DAW1: variants seen among roughly 807,000 people sequenced by gnomAD.
DAW1 encodes the protein dynein assembly factor with WD repeat domains 1.
A neutral mutation model predicts 56.5 loss-of-function variants in DAW1; 47 were observed. That is an observed-to-expected ratio of 0.83 (90% CI 0.66 to 1.06). The LOEUF is 1.06. Ranked by LOEUF, DAW1 falls within the 50% of genes least tolerant of loss-of-function variation. The probability of loss-of-function intolerance (pLI) is 0.00; values close to 1 mark genes in which losing one functional copy is unlikely to be tolerated. For missense variants in DAW1, 505 were observed against 499.3 expected, an observed-to-expected ratio of 1.01 and a Z score of -0.11; for synonymous variants, 190 against 179.0, an observed-to-expected ratio of 1.06 and a Z score of -0.49.
At chr2:227,894,097 C>T (rs761717374) in intron 5 of DAW1, among the ~76,000 whole-genome samples, 180 bp downstream of exon 5, 1 of 151,976 alleles carries the variant, frequency 6.6e-6, no homozygotes, top group African/African-American at 2.4e-5. Context: ...TATCACTATC[C>T]GCATATAGAA....
At chr2:227,896,916 C>G (rs1414769367) in intron 5 of DAW1, among the ~76,000 whole-genome samples, 1 of 151,542 alleles carries the variant, frequency 6.6e-6, no homozygotes, top group East Asian at 2.0e-4. Flanking sequence ...GACCTCATCT[C>G]TACAAAAAAT....
At chr2:227,891,142 C>T (rs932963949) in intron 3 of DAW1, 113 bp from the exon 4 acceptor site, 3 of 871,964 alleles carry the variant, frequency 3.4e-6, no homozygotes, top group Admixed American at 2.2e-5. Flanking sequence ...TCAGATATTG[C>T]CTGTTTCTGA....
At chr2:227,902,191 T>G (rs1467351697) in intron 6 of DAW1, among the ~76,000 whole-genome samples, 1 of 152,184 alleles carries the variant, frequency 6.6e-6, no homozygotes, top group Non-Finnish European at 1.5e-5. Context: ...AGTAACTTTC[T>G]GTGCTGTTCT....
At chr2:227,871,788 G>A in intron 1 of DAW1, 59 bp downstream of exon 1, 4 of 1,606,818 alleles carry the variant, frequency 2.5e-6, no homozygotes, top group South Asian at 2.2e-5. Context: ...CAGACTGGGA[G>A]GGTTTGGGGC....
chr2:227,918,974 T>A, intron 11 of DAW1, 118 bp downstream of exon 11: 1 of 1,052,878 alleles, frequency 9.5e-7, no homozygotes, highest in Non-Finnish European at 1.4e-6. Flanking sequence ...GTGAGAAGAT[T>A]GCTTGAGGCC....
chr2:227,875,966 G>A (rs1690870962), intron 1 of DAW1, among the ~76,000 whole-genome samples: 1 of 152,038 alleles, frequency 6.6e-6, no homozygotes, highest in Non-Finnish European at 1.5e-5. Flanking sequence ...AAGTGTGAAA[G>A]GGCCAGATAA....
intron 4 of DAW1, 121 bp from the exon 5 acceptor site, chr2:227,893,671 TAAA>T: frequency 7.2e-7 from 1 of 1,397,138 alleles, no homozygotes; most frequent in East Asian, 2.6e-5. Flanking sequence ...GACTCCCTCT[TAAA>T]CAAACAAACA....
intron 12 of DAW1, among the ~76,000 whole-genome samples, chr2:227,922,403 G>C (rs1692131317): frequency 6.6e-6 from 1 of 152,158 alleles, no homozygotes. Flanking sequence ...TCGTGGAAAG[G>C]GGAGAAAAAT....
intron 10 of DAW1, among the ~76,000 whole-genome samples, chr2:227,913,431 G>C (rs1052689618): frequency 6.6e-6 from 1 of 152,110 alleles, no homozygotes; most frequent in Admixed American, 6.5e-5. Flanking sequence ...GAAAATCACA[G>C]ATAATGCTTT....
intron 1 of DAW1, among the ~76,000 whole-genome samples, chr2:227,873,591 T>C (rs1014903320): frequency 1.3e-5 from 2 of 152,190 alleles, no homozygotes; most frequent in Non-Finnish European, 2.9e-5. Context: ...TTGACATTTG[T>C]AGAAAAGACA....
chr2:227,875,831 TG>T (rs1690865439), intron 1 of DAW1, among the ~76,000 whole-genome samples: 1 of 152,186 alleles, frequency 6.6e-6, no homozygotes, highest in African/African-American at 2.4e-5. Flanking sequence ...TTGTCTATTT[TG>T]TTTGCTCCTT....
intron 10 of DAW1, among the ~76,000 whole-genome samples, chr2:227,916,087 C>T (rs1009996516): frequency 1.3e-5 from 2 of 152,062 alleles, no homozygotes; most frequent in Non-Finnish European, 1.5e-5. Flanking sequence ...ATGTATGATG[C>T]AACATTATGT....
chr2:227,877,259 A>G (rs527260429), intron 1 of DAW1, among the ~76,000 whole-genome samples: 2 of 152,184 alleles, frequency 1.3e-5, no homozygotes, highest in South Asian at 4.2e-4. Context: ...GCTTACTGCA[A>G]CCTCTGCCTC....
At chr2:227,897,809 T>C (rs1179397280) in intron 5 of DAW1, among the ~76,000 whole-genome samples, 3 of 152,208 alleles carry the variant, frequency 2.0e-5, no homozygotes, top group Non-Finnish European at 2.9e-5. Context: ...TTCAATGTTA[T>C]TCTTTTCCAT....
chr2:227,893,695 C>T (rs1691332384), intron 4 of DAW1, 100 bp from the exon 5 acceptor site: 2 of 1,479,098 alleles, frequency 1.4e-6, no homozygotes, highest in Non-Finnish European at 1.8e-6. Context: ...AACAAACAAA[C>T]AGCATAATAA....
intron 1 of DAW1, among the ~76,000 whole-genome samples, chr2:227,881,609 A>G (rs1265278134): frequency 6.6e-6 from 1 of 152,138 alleles, no homozygotes; most frequent in African/African-American, 2.4e-5. Flanking sequence ...TTCTTCATAT[A>G]CATCTTATTT....
chr2:227,893,334 A>G (rs1343683410), intron 4 of DAW1, among the ~76,000 whole-genome samples: 3 of 151,882 alleles, frequency 2.0e-5, no homozygotes, highest in African/African-American at 7.3e-5. Context: ...ATTGTTCTCA[A>G]TTTAACTTTT....
intron 8 of DAW1, 76 bp downstream of exon 8, chr2:227,905,111 A>C (rs1476393086): frequency 5.7e-6 from 7 of 1,236,068 alleles, no homozygotes; most frequent in Non-Finnish European, 6.9e-6. Context: ...TTTTAGTTTA[A>C]GCTACTATCT....
At chr2:227,923,711 C>A (rs951939613) in intron 12 of DAW1, among the ~76,000 whole-genome samples, 5 of 151,366 alleles carry the variant, frequency 3.3e-5, no homozygotes, top group Non-Finnish European at 7.4e-5. Context: ...AAGCAGGATG[C>A]GTACCTGCTT....
Sources: gnomAD v4.1 joint callset for allele counts (sites outside exome capture counted in the v4.1 genomes callset) on GRCh38, gnomAD v4.1.1 for gene constraint, MANE v1.5 for transcripts, NCBI Gene and HGNC (gene_info 2026-07-23, HGNC 2026-07-21) for gene names.